ZDHHC20: variants seen among roughly 807,000 people sequenced by gnomAD.
ZDHHC20 encodes the protein zDHHC palmitoyltransferase 20, also known as palmitoyltransferase ZDHHC20.
ZDHHC20 carries 43 observed loss-of-function variants against 57.8 expected under a neutral mutation model. The ratio of observed to expected loss-of-function variants is 0.74; its 90% CI spans 0.58 to 0.96. The LOEUF is 0.96. Among genes scored for constraint, ZDHHC20 ranks in the 40% least tolerant of loss-of-function variants. The probability of loss-of-function intolerance (pLI) is 0.00; values close to 1 mark genes in which losing one functional copy is unlikely to be tolerated. For synonymous variants in ZDHHC20, 157 were observed against 153.0 expected, an observed-to-expected ratio of 1.03 and a Z score of -0.19; for missense variants, 391 against 441.1, an observed-to-expected ratio of 0.89 and a Z score of 1.02.
At position 21,378,740 on chromosome 13, in the gene ZDHHC20, T is replaced by C; in HGVS notation, c.1061-2A>G. On this transcript the variant is annotated splice_acceptor_variant, in intron 11 of 12. Transcript: ENST00000400590. LOFTEE classifies it high-confidence loss of function. ...CCACTGTTACATGGTTATTTGTCCC[T>C]GTAAGCATATAATTATATATGACAT... is the stretch of plus-strand genomic sequence containing the variant. 1 of 1,420,660 alleles carries C rather than the reference T, an allele frequency of 7.0e-7. No individual in the cohort carries two copies. 88.0% of individuals were successfully genotyped at this position (1,420,660 alleles called of 1,614,324 possible).
intron 1 of ZDHHC20, among the ~76,000 whole-genome samples, chr13:21,438,494 A>C (rs1399380924): frequency 6.6e-6 from 1 of 152,236 alleles, no homozygotes; most frequent in Non-Finnish European, 1.5e-5. Context: ...CAGAGCCTGA[A>C]GATGTGATGG....
chr13:21,437,989 C>A (rs190447181), intron 1 of ZDHHC20, among the ~76,000 whole-genome samples: 1 of 152,232 alleles, frequency 6.6e-6, no homozygotes, highest in South Asian at 2.1e-4. Flanking sequence ...CCGCACCCAG[C>A]GGCTTTATTG....
intron 2 of ZDHHC20, among the ~76,000 whole-genome samples, chr13:21,422,075 T>C (rs1880705033): frequency 6.6e-6 from 1 of 152,156 alleles, no homozygotes; most frequent in African/African-American, 2.4e-5. Context: ...AGGTAATACA[T>C]GCAAAACACT....
intron 1 of ZDHHC20, among the ~76,000 whole-genome samples, chr13:21,441,528 G>T (rs1471986852): frequency 6.8e-6 from 1 of 147,308 alleles, no homozygotes; most frequent in Non-Finnish European, 1.5e-5. Flanking sequence ...TGGGACTACA[G>T]GCGCCCGCCA....
intron 4 of ZDHHC20, among the ~76,000 whole-genome samples, chr13:21,407,460 C>T (rs1031446805): frequency 6.6e-6 from 1 of 152,262 alleles, no homozygotes; most frequent in Non-Finnish European, 1.5e-5. Flanking sequence ...TACCCTTCGC[C>T]CACATTTTGA....
intron 4 of ZDHHC20, 62 bp downstream of exon 4, chr13:21,413,590 C>G: frequency 6.8e-7 from 1 of 1,469,826 alleles, no homozygotes. Flanking sequence ...GCAAATATAT[C>G]CTGGCAGGAA....
Position 21,442,607 on chromosome 13 carries a change from T to C in ZDHHC20, c.118+16447A>G, listed in dbSNP as rs542071962. On this transcript the variant is annotated intron_variant, in intron 1 of 12. Transcript: ENST00000400590. ...CTGTCTCTACTAAAAATACAAAAAT[T>C]AGCTGGGTGTGGTGGCATGCGCTTA... Among the ~76,000 whole-genome samples, 191 of 152,074 alleles carry C rather than the reference T, an allele frequency of 1.3e-3. 1 individual carries two copies. The highest frequency in any genetic ancestry group is 2.1e-3 in the Non-Finnish European group (143 of 67,960).
Position 21,387,493 on chromosome 13 carries a change from C to A in ZDHHC20, c.854+15G>T. 2 of 1,490,302 alleles carry A rather than the reference C, an allele frequency of 1.3e-6. No individual in the cohort carries two copies. Among genetic ancestry groups the A allele is most frequent in the South Asian group, 2.8e-5 (2 of 71,362 alleles). 92.3% of individuals were successfully genotyped at this position (1,490,302 alleles called of 1,614,324 possible). A position where few individuals can be genotyped will look rare whatever the true frequency, so the allele number is the denominator to read the frequency against. On this transcript the variant is annotated intron_variant, in intron 9 of 12. Transcript: ENST00000400590. The stretch of plus-strand genomic sequence containing the variant: ...CAGATGCCATAATCTCTGAGACCCA[C>A]ATTTTATAAATTACCTTGAAAATAT...
intron 8 of ZDHHC20, among the ~76,000 whole-genome samples, chr13:21,390,716 G>A (rs776461977): frequency 1.3e-5 from 2 of 151,922 alleles, no homozygotes; most frequent in African/African-American, 2.4e-5. Context: ...CCTGGGCAAC[G>A]TAGCAAGACC....
chr13:21,389,004 T>C (rs1448775615), intron 8 of ZDHHC20, among the ~76,000 whole-genome samples: 1 of 152,118 alleles, frequency 6.6e-6, no homozygotes, highest in African/African-American at 2.4e-5. Context: ...ACTCAGGAAG[T>C]ACATCAGAAT....
chr13:21,420,273 G>A (rs1746964768), intron 3 of ZDHHC20, among the ~76,000 whole-genome samples: 1 of 152,142 alleles, frequency 6.6e-6, no homozygotes, highest in African/African-American at 2.4e-5. Flanking sequence ...GGTGACAAGA[G>A]CGAAACTCCA....
intron 7 of ZDHHC20, among the ~76,000 whole-genome samples, chr13:21,399,365 AAAAATAAAAAT>A (rs1231089890): frequency 6.6e-6 from 1 of 151,870 alleles, no homozygotes; most frequent in African/African-American, 2.4e-5. Context: ...AAAATCAAAT[AAAAATAAAAAT>A]AAAATAAAAT....
At chr13:21,454,984 A>G (rs1378086570) in intron 1 of ZDHHC20, among the ~76,000 whole-genome samples, 4 of 152,048 alleles carry the variant, frequency 2.6e-5, no homozygotes, top group African/African-American at 9.7e-5. Context: ...GCAGGGGTGC[A>G]ATCTCTGCTC....
intron 1 of ZDHHC20, among the ~76,000 whole-genome samples, chr13:21,448,328 A>G (rs1884030569): frequency 2.1e-5 from 2 of 94,726 alleles, no homozygotes; most frequent in Non-Finnish European, 4.8e-5. Flanking sequence ...TGGGGGGGTC[A>G]GCCCCCCGCC....
At chr13:21,379,126 A>C (rs996362057) in intron 11 of ZDHHC20, among the ~76,000 whole-genome samples, 3 of 152,206 alleles carry the variant, frequency 2.0e-5, no homozygotes, top group Non-Finnish European at 4.4e-5. Context: ...CCCAATGAAG[A>C]TCCTAAAGAT....
At chr13:21,452,560 A>G (rs1268456298) in intron 1 of ZDHHC20, among the ~76,000 whole-genome samples, 4 of 152,224 alleles carry the variant, frequency 2.6e-5, no homozygotes, top group Non-Finnish European at 5.9e-5. Context: ...ATAAATACAT[A>G]TATTTTGGGT....
intron 8 of ZDHHC20, 85 bp downstream of exon 8, chr13:21,391,637 T>A: frequency 7.1e-7 from 1 of 1,402,630 alleles, no homozygotes; most frequent in East Asian, 2.4e-5. Flanking sequence ...CACTTCTGTA[T>A]CATCTGACCC....
chr13:21,396,804 G>A (rs1230738250), intron 7 of ZDHHC20, among the ~76,000 whole-genome samples: 2 of 150,068 alleles, frequency 1.3e-5, no homozygotes, highest in Non-Finnish European at 3.0e-5. Context: ...CTGCACTCCA[G>A]CCTGCATGAC....
chr13:21,381,188 A>G (rs1258760215), intron 11 of ZDHHC20, among the ~76,000 whole-genome samples: 1 of 151,978 alleles, frequency 6.6e-6, no homozygotes, highest in Non-Finnish European at 1.5e-5. Flanking sequence ...TTATATTTGT[A>G]GTAGAGACGG....
Sources: gnomAD v4.1 joint callset for allele counts (sites outside exome capture counted in the v4.1 genomes callset) on GRCh38, gnomAD v4.1.1 for gene constraint, MANE v1.5 for transcripts, NCBI Gene and HGNC (gene_info 2026-07-23, HGNC 2026-07-21) for gene names.